DPYSL2: variants seen among roughly 807,000 people sequenced by gnomAD.
The protein encoded by DPYSL2 is dihydropyrimidinase-related protein 2.
DPYSL2 carries 13 observed loss-of-function variants against 69.9 expected under a neutral mutation model. The observed-to-expected ratio is 0.19, with a 90% CI of 0.12 to 0.30. The LOEUF (loss-of-function observed/expected upper bound fraction) is 0.30, where lower values mean the gene tolerates loss of function less well. DPYSL2 is among the 10% of genes least tolerant of loss of function. The probability of loss-of-function intolerance (pLI) is 1.00; values close to 1 mark genes in which losing one functional copy is unlikely to be tolerated. For missense variants in DPYSL2, 587 were observed against 918.9 expected, an observed-to-expected ratio of 0.64 and a Z score of 4.67; for synonymous variants, 326 against 359.1, an observed-to-expected ratio of 0.91 and a Z score of 1.04.
chr8:26,536,652 CAG>C (rs1800597367), intron 1 of DPYSL2, among the ~76,000 whole-genome samples: 1 of 151,190 alleles, frequency 6.6e-6, no homozygotes, highest in African/African-American at 2.4e-5. Context: ...GCCTGGGTGA[CAG>C]AGAGAGACTC....
At chr8:26,651,228 G>A (rs923800835) in intron 11 of DPYSL2, among the ~76,000 whole-genome samples, 1 of 152,162 alleles carries the variant, frequency 6.6e-6, no homozygotes, top group Admixed American at 6.6e-5. Context: ...CATTGTATGC[G>A]GGGCATTGTG....
intron 1 of DPYSL2, among the ~76,000 whole-genome samples, chr8:26,578,951 GGGTGC>G (rs1301229811): frequency 2.3e-5 from 1 of 42,966 alleles, no homozygotes; most frequent in Non-Finnish European, 6.0e-5. Flanking sequence ...AACCGGTTTT[GGGTGC>G]CCCCCCCCCG....
intron 8 of DPYSL2, 66 bp downstream of exon 8, chr8:26,634,966 C>G: frequency 1.1e-5 from 17 of 1,592,826 alleles, no homozygotes; most frequent in Non-Finnish European, 1.4e-5. Flanking sequence ...GGGCTCCTCA[C>G]TAGGGAGGGC....
chr8:26,649,966 G>A (rs2129990060), intron 11 of DPYSL2, among the ~76,000 whole-genome samples: 1 of 152,170 alleles, frequency 6.6e-6, no homozygotes. Context: ...TGGCCCCAGA[G>A]GTCTTCTAGG....
At position 26,644,126 on chromosome 8, in the gene DPYSL2, C is replaced by G; in HGVS notation, c.1425+35C>G. The G allele has an allele frequency of 6.2e-7, 1 of 1,607,856 alleles. No homozygotes were observed. The highest frequency in any genetic ancestry group is 1.3e-5 in the African/African-American group (1 of 74,956). On this transcript the variant is annotated intron_variant, in intron 10 of 13. Transcript: ENST00000521913. The surrounding 1 kb of genome is among the most constrained non-coding windows in gnomAD (Gnocchi z 4.5). ...GATGGCCTCACTCCTTGGTGGCTCT[C>G]AGCCTTCCTTGTCCTCCTCATCTGG...
intron 3 of DPYSL2, among the ~76,000 whole-genome samples, chr8:26,622,650 G>T (rs1802524902): frequency 6.6e-6 from 1 of 152,074 alleles, no homozygotes; most frequent in Admixed American, 6.5e-5. Context: ...CTACAGGCAT[G>T]TGTCACCATG....
In DPYSL2 at chr8:26,647,658, T is replaced by A; in HGVS notation, c.1454T>A (p.Phe485Tyr). 2 of 1,613,864 alleles carry A rather than the reference T, an allele frequency of 1.2e-6. No individual in the cohort carries two copies. The highest frequency in any genetic ancestry group is 8.5e-7 in the Non-Finnish European group (1 of 1,179,856). Residue 485 changes from phenylalanine (F) to tyrosine (Y), a missense_variant, in exon 11 of 14, where the codon TTT (phenylalanine) becomes TAT (tyrosine). By Grantham distance (22) the Phe-to-Tyr change is conservative. Transcript: ENST00000521913. This position sits in a 1 kb window ranked among gnomAD's most constrained non-coding sequence, Gnocchi z 5.1. ...VVTGKMDENQ[F>Y]VAVTSTNAAK... ...ACTGGGAAGATGGATGAGAACCAGT[T>A]TGTGGCTGTGACCAGCACCAATGCA...
At chr8:26,544,171 T>A (rs1800728200) in intron 1 of DPYSL2, among the ~76,000 whole-genome samples, 1 of 152,214 alleles carries the variant, frequency 6.6e-6, no homozygotes, top group Non-Finnish European at 1.5e-5. Context: ...AAGGACTAGA[T>A]GTTTTAAATC....
At chr8:26,575,898 C>T (rs1393381466) in intron 1 of DPYSL2, among the ~76,000 whole-genome samples, 1 of 152,154 alleles carries the variant, frequency 6.6e-6, no homozygotes, top group Non-Finnish European at 1.5e-5. Context: ...ACTGCCCTGT[C>T]CTCCGCAAAG....
chr8:26,540,771 G>A (rs1482602230), intron 1 of DPYSL2, among the ~76,000 whole-genome samples: 1 of 152,054 alleles, frequency 6.6e-6, no homozygotes, highest in Non-Finnish European at 1.5e-5. Context: ...TAGGCATGGT[G>A]GCACATGCCT....
chr8:26,523,397 T>C (rs1031490939), intron 1 of DPYSL2, among the ~76,000 whole-genome samples: 5 of 152,142 alleles, frequency 3.3e-5, no homozygotes, highest in Admixed American at 2.6e-4. Flanking sequence ...ATTCACATTG[T>C]TGTGCAACCA....
chr8:26,595,245 A>T (rs1000374005), intron 3 of DPYSL2, among the ~76,000 whole-genome samples: 1 of 152,116 alleles, frequency 6.6e-6, no homozygotes, highest in African/African-American at 2.4e-5. Context: ...AATGTAGCTT[A>T]TAGGGCTTAT....
chr8:26,554,457 T>C (rs1163154993), intron 1 of DPYSL2, among the ~76,000 whole-genome samples: 2 of 152,148 alleles, frequency 1.3e-5, no homozygotes, highest in African/African-American at 4.8e-5. Context: ...TTTTTCCCAT[T>C]CTGTAAGTTG....
rs1342879150 is a variant in DPYSL2 at position 26,614,980 on chromosome 8, C to G, written c.629-9163C>G. ...CACACGTTCTGGGGTCAGATTCCAG[C>G]TCTGCCAGTCAGTGGCTGCACTGGC... On this transcript the variant is annotated intron_variant, in intron 3 of 13. Coordinates refer to ENST00000521913, the MANE Select transcript of DPYSL2 (RefSeq NM_001197293.3). The surrounding 1 kb of genome is among the most constrained non-coding windows in gnomAD (Gnocchi z 4.9). 6.6e-6 allele frequency among the ~76,000 whole-genome samples: 1 copy of G among 152,254 alleles called. No individual in the cohort carries two copies. The highest frequency in any genetic ancestry group is 1.5e-5 in the Non-Finnish European group (1 of 68,054).
chr8:26,644,952 A>G lies in DPYSL2; in HGVS notation c.1425+861A>G, dbSNP rs1047927897. On this transcript the variant is annotated intron_variant, in intron 10 of 13. Coordinates refer to ENST00000521913, the MANE Select transcript of DPYSL2 (RefSeq NM_001197293.3). This position sits in a 1 kb window ranked among gnomAD's most constrained non-coding sequence, Gnocchi z 4.5. ...ATTGTTTAGATTATATGAAGAATATATCCTTATTTCCAGAAGAATAAGGAA... is the reference window on the plus strand; with the variant it reads ...ATTGTTTAGATTATATGAAGAATATGTCCTTATTTCCAGAAGAATAAGGAA... 2.6e-5 allele frequency among the ~76,000 whole-genome samples: 4 copies of G among 152,218 alleles called. No individual in the cohort carries two copies. Among genetic ancestry groups the G allele is most frequent in the African/African-American group, 7.2e-5 (3 of 41,450 alleles).
chr8:26,527,619 G>A (rs1326045224), intron 1 of DPYSL2, among the ~76,000 whole-genome samples: 1 of 151,966 alleles, frequency 6.6e-6, no homozygotes, highest in Non-Finnish European at 1.5e-5. Flanking sequence ...AAATGAATTG[G>A]GGGGGCTGTT....
chr8:26,597,774 TC>T lies in DPYSL2; in HGVS notation c.628+13792del, dbSNP rs1801898658. On this transcript the variant is annotated intron_variant, in intron 3 of 13. Transcript: ENST00000521913. The surrounding 1 kb of genome is among the most constrained non-coding windows in gnomAD (Gnocchi z 5.2). The stretch of plus-strand genomic sequence containing the variant: ...CAGGCAAGAGCCACCGCACCTGGCC[TC>T]TTTTTTTTTTTTTTTTTTTTGAGGG... Among the ~76,000 whole-genome samples the T allele has an allele frequency of 7.7e-6, 1 of 129,998 alleles. No homozygotes were observed. Among genetic ancestry groups the T allele is most frequent in the South Asian group, 2.4e-4 (1 of 4,138 alleles). 85.3% of individuals were successfully genotyped at this position (129,998 alleles called of 152,430 possible).
At chr8:26,570,342 G>A (rs1035136875) in intron 1 of DPYSL2, among the ~76,000 whole-genome samples, 3 of 152,182 alleles carry the variant, frequency 2.0e-5, no homozygotes, top group African/African-American at 7.2e-5. Flanking sequence ...AAGGAATGTG[G>A]ACTGGGGACA....
intron 1 of DPYSL2, among the ~76,000 whole-genome samples, chr8:26,537,399 G>A (rs1351990650): frequency 6.6e-6 from 1 of 152,082 alleles, no homozygotes; most frequent in African/African-American, 2.4e-5. Context: ...GCTAGTTTTT[G>A]TCATATCTAC....
Sources: gnomAD v4.1 joint callset for allele counts (sites outside exome capture counted in the v4.1 genomes callset) on GRCh38, gnomAD v4.1.1 for gene constraint, Gnocchi (gnomAD v3.1) non-coding constraint, MANE v1.5 for transcripts, NCBI Gene and HGNC (gene_info 2026-07-23, HGNC 2026-07-21) for gene names.